ERCC1: variants seen among roughly 807,000 people sequenced by gnomAD.
The protein encoded by ERCC1 is DNA excision repair protein ERCC-1.
In ERCC1, 36 loss-of-function variants were observed where a neutral mutation model predicts 37.6. The observed-to-expected ratio is 0.96, with a 90% CI of 0.73 to 1.26. The LOEUF (loss-of-function observed/expected upper bound fraction) is 1.26, where lower values mean the gene tolerates loss of function less well. Among genes scored for constraint, ERCC1 ranks in the 50% most tolerant of loss-of-function variants. The pLI, the probability that ERCC1 is intolerant of heterozygous loss-of-function variation, is 0.00. For synonymous variants in ERCC1, 156 were observed against 162.1 expected, an observed-to-expected ratio of 0.96 and a Z score of 0.28; for missense variants, 349 against 376.5, an observed-to-expected ratio of 0.93 and a Z score of 0.60.
intron 1 of ERCC1, among the ~76,000 whole-genome samples, chr19:45,442,825 A>C (rs1207282259): frequency 2.0e-5 from 3 of 152,126 alleles, no homozygotes; most frequent in African/African-American, 7.2e-5. Context: ...TCTGTTTGGC[A>C]GGCTGAGGAA....
chr19:45,432,283 T>TTTTTTATTATTA (rs113298304), intron 1 of ERCC1, among the ~76,000 whole-genome samples: 9 of 145,976 alleles, frequency 6.2e-5, no homozygotes, highest in African/African-American at 2.3e-4. Context: ...ACAAAATTAA[T>TTTTTTATTATTA]TTATTATTAT....
intron 7 of ERCC1, 61 bp downstream of exon 7, chr19:45,414,800 G>T: frequency 8.2e-7 from 1 of 1,224,446 alleles, no homozygotes; most frequent in Non-Finnish European, 1.2e-6. Flanking sequence ...TGGAACTGAA[G>T]CTCAACCACC....
At chr19:45,434,378 G>A (rs1022851374) in intron 1 of ERCC1, among the ~76,000 whole-genome samples, 1 of 150,410 alleles carries the variant, frequency 6.6e-6, no homozygotes, top group Non-Finnish European at 1.5e-5. Context: ...GTAGTCCCAC[G>A]TACTCGGGAG....
chr19:45,409,854 C>G, intron 9 of ERCC1, 129 bp from the exon 10 acceptor site: 1 of 630,824 alleles, frequency 1.6e-6, no homozygotes, highest in Non-Finnish European at 2.9e-6. Context: ...GAGTTACAAA[C>G]AATCCAGTTA....
At chr19:45,413,311 G>T in intron 9 of ERCC1, 1 of 523,358 alleles carries the variant, frequency 1.9e-6, no homozygotes, top group Non-Finnish European at 3.4e-6. Flanking sequence ...CTGTCACCCA[G>T]GCTGGAGCGT....
At chr19:45,449,511 A>G (rs1475315520) in intron 1 of ERCC1, among the ~76,000 whole-genome samples, 1 of 151,916 alleles carries the variant, frequency 6.6e-6, no homozygotes, top group Non-Finnish European at 1.5e-5. Flanking sequence ...AAAAATAATA[A>G]AAATTAAAAA....
At chr19:45,428,100 T>TTTTTTTTG, upstream of ERCC1, among the ~76,000 whole-genome samples, 1 of 147,876 alleles carries the variant, frequency 6.8e-6, no homozygotes. Flanking sequence ...TTTTTTTTTT[T>TTTTTTTTG]TGAGACGGAG....
chr19:45,431,142 A>G (rs887769348), intron 1 of ERCC1, among the ~76,000 whole-genome samples: 3 of 152,134 alleles, frequency 2.0e-5, no homozygotes, highest in African/African-American at 7.2e-5. Context: ...TTTAGTAGAA[A>G]CGGGGTTTCA....
chr19:45,409,895 A>ATT (rs57573120), intron 9 of ERCC1, 170 bp from the exon 10 acceptor site: 45 of 171,592 alleles, frequency 2.6e-4, no homozygotes, highest in Middle Eastern at 2.2e-3. Flanking sequence ...TATTATTATT[A>ATT]TTTTTTTTTT....
intron 2 of ERCC1, among the ~76,000 whole-genome samples, chr19:45,422,026 C>T (rs1185163107): frequency 1.3e-5 from 2 of 152,058 alleles, no homozygotes; most frequent in Non-Finnish European, 2.9e-5. Context: ...CACTTCTCCC[C>T]CACTCCTCAG....
chr19:45,414,759 G>T, intron 7 of ERCC1, 102 bp downstream of exon 7: 1 of 834,722 alleles, frequency 1.2e-6, no homozygotes, highest in Non-Finnish European at 2.1e-6. Flanking sequence ...GAAAGACGAG[G>T]CCCAGGGATG....
intron 1 of ERCC1, among the ~76,000 whole-genome samples, chr19:45,447,270 CTT>C (rs57063523): frequency 0.017 from 1,770 of 102,764 alleles, 25 homozygotes; most frequent in African/African-American, 0.066. Flanking sequence ...AGATTTGCTT[CTT>C]TTTTTTTTTT....
intron 1 of ERCC1, among the ~76,000 whole-genome samples, chr19:45,446,337 T>C (rs73564991): frequency 0.012 from 1,830 of 152,210 alleles, 43 homozygotes; most frequent in African/African-American, 0.041. Flanking sequence ...GTAGTAGGGA[T>C]CGATTCTGGA....
Position 45,445,996 on chromosome 19 carries a change from C to T in ERCC1, c.-7-22615G>A, listed in dbSNP as rs188788520. On this transcript the variant is annotated intron_variant, in intron 1 of 8. Transcript: ENST00000423698. ...CTCCGCCTCCTGGGTTCAAGCGATT[C>T]TCCTGCCTCAGCCTCCCAAGTAGCT... Among the ~76,000 whole-genome samples, 421 of 152,266 alleles carry T rather than the reference C, an allele frequency of 2.8e-3. 4 individuals are homozygous for T. The highest frequency in any genetic ancestry group is 9.8e-3 in the African/African-American group (407 of 41,542).
At chr19:45,434,942 A>AT (rs1974936899) in intron 1 of ERCC1, among the ~76,000 whole-genome samples, 2 of 151,246 alleles carry the variant, frequency 1.3e-5, no homozygotes, top group South Asian at 4.2e-4. Context: ...CGCCCGGCTA[A>AT]TTTTTTGTAT....
Position 45,409,498 on chromosome 19 carries a change from G to A in ERCC1, c.*177C>T, listed in dbSNP as rs1973555108. The A allele has an allele frequency of 3.7e-6, 6 of 1,605,800 alleles. No individual in the cohort carries two copies. Among genetic ancestry groups the A allele is most frequent in the Non-Finnish European group, 5.1e-6 (6 of 1,176,880 alleles). On this transcript the variant is annotated 3_prime_UTR_variant, in exon 10 of 10. Coordinates refer to ENST00000300853, the MANE Select transcript of ERCC1 (RefSeq NM_001983.4). ...GGAAGCAGCAGCAGCAGCAGCCTGT[G>A]TAGTCTGCCCCCGGGAAACTGAGGA...
At chr19:45,450,929 C>T (rs537740697) in intron 1 of ERCC1, among the ~76,000 whole-genome samples, 19 of 136,640 alleles carry the variant, frequency 1.4e-4, no homozygotes, top group African/African-American at 4.9e-4. Flanking sequence ...CGCGGTGACG[C>T]GACGGACTGT....
At chr19:45,424,753 A>C (rs183529068), upstream of ERCC1, among the ~76,000 whole-genome samples, 3 of 152,012 alleles carry the variant, frequency 2.0e-5, no homozygotes, top group Admixed American at 6.6e-5. Flanking sequence ...CATATTGCAA[A>C]CATTTCCTCC....
At position 45,419,214 on chromosome 19, in the gene ERCC1, G is replaced by T. The variant is rs1375933684; in HGVS notation, c.426-17C>A. 2 of 1,557,770 alleles carry T rather than the reference G, an allele frequency of 1.3e-6. No individual in the cohort carries two copies. Among genetic ancestry groups the T allele is most frequent in the South Asian group, 2.3e-5 (2 of 85,952 alleles). Reference sequence around the variant, plus strand: ...TAGCGGAGGCTGGTGGGGGCAGGGAGCGGGAGTTGAGAGGTCTCAGTCTCT... The same window carrying T: ...TAGCGGAGGCTGGTGGGGGCAGGGATCGGGAGTTGAGAGGTCTCAGTCTCT... On this transcript the variant is annotated splice_polypyrimidine_tract_variant and intron_variant, in intron 4 of 9. Transcript: ENST00000300853.
Sources: gnomAD v4.1 joint callset for allele counts (sites outside exome capture counted in the v4.1 genomes callset) on GRCh38, gnomAD v4.1.1 for gene constraint, MANE v1.5 for transcripts, NCBI Gene and HGNC (gene_info 2026-07-23, HGNC 2026-07-21) for gene names.